ELMOD1: variants seen among roughly 807,000 people sequenced by gnomAD.
ELMOD1 encodes the protein ELMO domain-containing protein 1.
ELMOD1 carries 21 observed loss-of-function variants against 46.7 expected under a neutral mutation model. The ratio of observed to expected loss-of-function variants is 0.45; its 90% confidence interval spans 0.32 to 0.65. The LOEUF is 0.65. Ranked by LOEUF, ELMOD1 falls within the 30% of genes least tolerant of loss-of-function variation. The probability of loss-of-function intolerance (pLI) is 0.04; values close to 1 mark genes in which losing one functional copy is unlikely to be tolerated. For synonymous variants in ELMOD1, 122 were observed against 138.2 expected, an observed-to-expected ratio of 0.88 and a Z score of 0.82; for missense variants, 348 against 407.8, an observed-to-expected ratio of 0.85 and a Z score of 1.26.
intron 1 of ELMOD1, among the ~76,000 whole-genome samples, chr11:107,601,429 T>TC (rs1364945516): frequency 4.1e-5 from 6 of 147,526 alleles, no homozygotes; most frequent in African/African-American, 1.5e-4. Context: ...TTTTTTTTTT[T>TC]TTTTGAGACA....
intron 1 of ELMOD1, among the ~76,000 whole-genome samples, chr11:107,607,912 A>C (rs1047222322): frequency 6.6e-5 from 10 of 151,914 alleles, no homozygotes; most frequent in Non-Finnish European, 1.5e-5. Flanking sequence ...ACTGATCTTG[A>C]ATGTATCATT....
intron 5 of ELMOD1, among the ~76,000 whole-genome samples, chr11:107,634,699 C>T (rs1591123248): frequency 6.6e-6 from 1 of 152,218 alleles, no homozygotes; most frequent in East Asian, 1.9e-4. Flanking sequence ...CAAGATTGTA[C>T]CACTGCACTC....
intron 1 of ELMOD1, among the ~76,000 whole-genome samples, chr11:107,611,485 G>A (rs10890743): frequency 0.65 from 98,784 of 151,346 alleles, 34,516 homozygotes; most frequent in African/African-American, 0.9. Context: ...CGGATCACAA[G>A]GTCAGGAGAT....
chr11:107,618,104 G>A lies in ELMOD1; in HGVS notation c.-85-1G>A, dbSNP rs1442398260. Reference sequence around the variant, plus strand: ...ACCTAATATCTAATTTCTTCCCACAGTTGACACTTACTTTGACAAAGGCAA... The same window carrying A: ...ACCTAATATCTAATTTCTTCCCACAATTGACACTTACTTTGACAAAGGCAA... On this transcript the variant is annotated splice_acceptor_variant, in intron 1 of 11. Coordinates refer to ENST00000265840, the MANE Select transcript of ELMOD1 (RefSeq NM_018712.4). LOFTEE classifies it low-confidence loss of function (5UTR_SPLICE). 1 of 1,426,982 alleles carries A rather than the reference G, an allele frequency of 7.0e-7. No individual in the cohort carries two copies. The highest frequency in any genetic ancestry group is 1.4e-5 in the African/African-American group (1 of 70,432). 88.4% of individuals were successfully genotyped at this position (1,426,982 alleles called of 1,614,324 possible). A position where few individuals can be genotyped will look rare whatever the true frequency, so the allele number is the denominator to read the frequency against.
chr11:107,631,405 C>CCG (rs1555065988), intron 4 of ELMOD1, among the ~76,000 whole-genome samples, 175 bp from the exon 5 acceptor site: 1 of 147,758 alleles, frequency 6.8e-6, no homozygotes, highest in African/African-American at 2.5e-5. Context: ...CTACCCCCCC[C>CCG]CCCATCGTGA....
intron 9 of ELMOD1, among the ~76,000 whole-genome samples, chr11:107,653,019 T>A (rs1255803470): frequency 6.6e-6 from 1 of 152,216 alleles, no homozygotes. Flanking sequence ...TATACAAATT[T>A]TATATATAGG....
chr11:107,647,682 G>A, intron 7 of ELMOD1, 81 bp downstream of exon 7: 1 of 1,413,026 alleles, frequency 7.1e-7, no homozygotes, highest in Non-Finnish European at 9.5e-7. Flanking sequence ...TGAGTAATTA[G>A]CTTCAAAAGG....
intron 2 of ELMOD1, chr11:107,625,432 A>G: frequency 1.0e-6 from 1 of 984,974 alleles, no homozygotes. Context: ...TCATTAGCAC[A>G]TTCATTGAAA....
intron 7 of ELMOD1, among the ~76,000 whole-genome samples, chr11:107,648,215 A>G (rs7952016): frequency 1.3e-5 from 2 of 152,162 alleles, no homozygotes; most frequent in South Asian, 4.1e-4. Flanking sequence ...ACTTAGTTAC[A>G]TTGCCCTTTG....
At chr11:107,598,110 C>T (rs1361799682) in intron 1 of ELMOD1, among the ~76,000 whole-genome samples, 1 of 152,048 alleles carries the variant, frequency 6.6e-6, no homozygotes, top group African/African-American at 2.4e-5. Flanking sequence ...AATCTCTTTT[C>T]CATGTTGAGG....
intron 2 of ELMOD1, among the ~76,000 whole-genome samples, chr11:107,628,787 A>G (rs1565379582): frequency 2.0e-5 from 3 of 151,670 alleles, no homozygotes; most frequent in Admixed American, 6.6e-5. Context: ...AAAATAATAC[A>G]TATTTATTAT....
intron 1 of ELMOD1, among the ~76,000 whole-genome samples, chr11:107,613,122 C>G (rs1480135807): frequency 6.6e-6 from 1 of 152,116 alleles, no homozygotes; most frequent in African/African-American, 2.4e-5. Flanking sequence ...CACCAACTTG[C>G]GAGAATTTAT....
chr11:107,615,648 A>G (rs1865849623), intron 1 of ELMOD1, among the ~76,000 whole-genome samples: 1 of 152,134 alleles, frequency 6.6e-6, no homozygotes, highest in South Asian at 2.1e-4. Flanking sequence ...TTTTTACCTA[A>G]TGTCCTTTTT....
At chr11:107,606,376 C>G (rs1388832223) in intron 1 of ELMOD1, among the ~76,000 whole-genome samples, 1 of 152,220 alleles carries the variant, frequency 6.6e-6, no homozygotes, top group East Asian at 1.9e-4. Context: ...TACAAACCAT[C>G]TGTGCTCTTG....
At chr11:107,595,960 T>A (rs143292205) in intron 1 of ELMOD1, among the ~76,000 whole-genome samples, 2 of 152,214 alleles carry the variant, frequency 1.3e-5, no homozygotes, top group African/African-American at 4.8e-5. Context: ...ACAATTTGAT[T>A]TTTTTTGCTT....
intron 2 of ELMOD1, chr11:107,620,513 T>G (rs1246306157): frequency 6.6e-6 from 1 of 152,224 alleles, no homozygotes. Flanking sequence ...AGGATAGAAA[T>G]GGGATATTGG....
intron 4 of ELMOD1, among the ~76,000 whole-genome samples, 194 bp from the exon 5 acceptor site, chr11:107,631,386 A>C (rs1051075969): frequency 1.0e-5 from 1 of 99,300 alleles, no homozygotes; most frequent in Non-Finnish European, 2.0e-5. Flanking sequence ...AGTTATCAGG[A>C]AAATTGCACT....
At chr11:107,646,160 C>T (rs1295296196) in intron 6 of ELMOD1, among the ~76,000 whole-genome samples, 1 of 152,140 alleles carries the variant, frequency 6.6e-6, no homozygotes, top group African/African-American at 2.4e-5. Flanking sequence ...CATATTTATA[C>T]AATTATGGGT....
chr11:107,603,171 G>A (rs1400593222), intron 1 of ELMOD1, among the ~76,000 whole-genome samples: 1 of 152,196 alleles, frequency 6.6e-6, no homozygotes, highest in African/African-American at 2.4e-5. Flanking sequence ...CATCTCTGCT[G>A]ATAGAATGGA....
Sources: allele counts gnomAD v4.1 joint callset (sites outside exome capture counted in the v4.1 genomes callset), GRCh38; gene constraint gnomAD v4.1.1; transcripts MANE v1.5; gene names NCBI Gene and HGNC (gene_info 2026-07-23, HGNC 2026-07-21).